Variants in UTRN observed in about 807,000 individuals in gnomAD.
UTRN encodes the protein utrophin.
Under a neutral mutation model 463.9 loss-of-function variants are expected in UTRN, and 283 were observed. The observed-to-expected ratio is 0.61, with a 90% confidence interval of 0.55 to 0.67. The LOEUF (loss-of-function observed/expected upper bound fraction) is 0.67, where lower values mean the gene tolerates loss of function less well. Among genes scored for constraint, UTRN ranks in the 30% least tolerant of loss-of-function variants. The pLI is 0.00. For missense variants in UTRN, 3,922 were observed against 4,084.3 expected, an observed-to-expected ratio of 0.96 and a Z score of 1.08; for synonymous variants, 1,442 against 1,431.5, an observed-to-expected ratio of 1.01 and a Z score of -0.17.
chr6:144,557,297 C>A lies in UTRN; in HGVS notation c.7275C>A (p.Ile2425=). 1 of 1,612,908 alleles carries A rather than the reference C, an allele frequency of 6.2e-7. No homozygotes were observed. Among genetic ancestry groups the A allele is most frequent in the South Asian group, 1.1e-5 (1 of 90,898 alleles). The change falls in exon 50 of 75, where the codon ATC becomes ATA. Residue 2425 remains isoleucine (I), a synonymous_variant. Transcript: ENST00000367545. The part of the protein sequence containing the change: ...ETTEYLKTSW[I]NLKQSIADRQ... ...CAGAGTACTTAAAAACATCATGGAT[C>A]AATCTCAAACAAAGGTAAGTCTAAG...
intron 52 of UTRN, among the ~76,000 whole-genome samples, chr6:144,699,599 T>A (rs1784381932): frequency 6.7e-6 from 1 of 149,020 alleles, no homozygotes; most frequent in South Asian, 2.1e-4. Context: ...TTTTCCTCTC[T>A]CTCTCTCCAT....
rs373437985 is a variant in UTRN, at chr6:144,501,726, A to T, written c.4764+2299A>T. On this transcript the variant is annotated intron_variant, in intron 34 of 74. Coordinates refer to ENST00000367545, the MANE Select transcript of UTRN (RefSeq NM_007124.3). ...GTGAATATATTAAACCATATCATAC[A>T]TTCATAATTATTTCCTGAGGATAAA... 1.5e-3 allele frequency among the ~76,000 whole-genome samples: 226 copies of T among 152,300 alleles called. 2 individuals are homozygous for T. The highest frequency in any genetic ancestry group is 5.1e-3 in the African/African-American group (214 of 41,580).
chr6:144,473,881 T>C, intron 24 of UTRN, 48 bp downstream of exon 24: 1 of 1,352,832 alleles, frequency 7.4e-7, no homozygotes, highest in Non-Finnish European at 1.0e-6. Flanking sequence ...CATTTTGTTC[T>C]TTTTCTATGT....
intron 23 of UTRN, among the ~76,000 whole-genome samples, chr6:144,471,058 GA>G (rs1158454981): frequency 1.8e-3 from 176 of 95,430 alleles, no homozygotes; most frequent in African/African-American, 2.9e-3. Context: ...GGGAGGGGGA[GA>G]GGGAGGGGGA....
chr6:144,477,912 C>T (rs868092254), intron 25 of UTRN, among the ~76,000 whole-genome samples: 7 of 119,404 alleles, frequency 5.9e-5, no homozygotes, highest in African/African-American at 6.7e-5. Flanking sequence ...TCTATCTATC[C>T]ATCCATCCAC....
chr6:144,498,795 C>T (rs748023250), intron 33 of UTRN, among the ~76,000 whole-genome samples: 29 of 151,990 alleles, frequency 1.9e-4, no homozygotes, highest in Admixed American at 7.2e-4. Flanking sequence ...GCTGGAACTA[C>T]GAGCACGCAC....
intron 64 of UTRN, among the ~76,000 whole-genome samples, chr6:144,800,694 A>G (rs141718283): frequency 5.9e-5 from 9 of 152,316 alleles, no homozygotes; most frequent in African/African-American, 1.7e-4. Flanking sequence ...GGCAGTTCCT[A>G]TCACAGAGTA....
intron 74 of UTRN, among the ~76,000 whole-genome samples, chr6:144,850,442 A>ATGT (rs1162123284): frequency 6.6e-6 from 1 of 152,014 alleles, no homozygotes; most frequent in East Asian, 1.9e-4. Flanking sequence ...AGAAGACCAA[A>ATGT]TGTTTGACCT....
chr6:144,840,742 G>C lies in UTRN; in HGVS notation c.10180G>C (p.Gly3394Arg), dbSNP rs749510694. 9 of 1,613,802 alleles carry C rather than the reference G, an allele frequency of 5.6e-6. No individual in the cohort carries two copies. In the South Asian group the frequency reaches 7.7e-5, roughly 14 times the overall value. The part of the protein sequence containing the change: ...ASGPQFHQAA[G>R]EDLLAPPHDT... ...GTTCTCTTTATTTGCTGTCACAGCG[G>C]GAGAGGACCTGCTGGCCCCACCGCA... is the stretch of plus-strand genomic sequence containing the variant. The change falls in exon 73 of 75, where the codon GGA (glycine) becomes CGA (arginine). Residue 3394 changes from glycine to arginine, a missense_variant and splice_region_variant. Transcript: ENST00000367545.
chr6:144,741,613 G>A (rs1181236574), intron 54 of UTRN, among the ~76,000 whole-genome samples: 1 of 152,044 alleles, frequency 6.6e-6, no homozygotes, highest in Non-Finnish European at 1.5e-5. Context: ...TGACCCATCT[G>A]TTGATGTCCA....
At position 144,438,749 on chromosome 6, in the gene UTRN, C is replaced by T; in HGVS notation, c.1246C>T (p.His416Tyr). Residue 416 changes from histidine to tyrosine, a missense_variant, in exon 12 of 75, where the codon CAC becomes TAC. This residue lies in a region of UTRN where 2,349 missense variants were observed against 2,303.8 expected (regional missense o/e 1.02). Coordinates refer to ENST00000367545, the MANE Select transcript of UTRN (RefSeq NM_007124.3). ...TGCTGTGTTCCCCACGGACAGGCTG[C>T]ACGATGTGCTGATGGAACTGCAGAA... ...VESMDRQSRL[H>Y]DVLMELQKKQ... The T allele has an allele frequency of 1.9e-6, 3 of 1,614,124 alleles. No individual in the cohort carries two copies. Among genetic ancestry groups the T allele is most frequent in the Non-Finnish European group, 2.5e-6 (3 of 1,180,020 alleles).
At chr6:144,470,759 C>G (rs962082116) in intron 23 of UTRN, among the ~76,000 whole-genome samples, 8 of 152,052 alleles carry the variant, frequency 5.3e-5, no homozygotes, top group Non-Finnish European at 1.2e-4. Context: ...GTGAGTGAGA[C>G]TCCGTCTGCA....
In UTRN at chr6:144,516,242, A is replaced by G; in HGVS notation, c.5258A>G (p.Gln1753Arg). 6.2e-7 allele frequency: 1 copy of G among 1,612,610 alleles called. No homozygotes were observed. The highest frequency in any genetic ancestry group is 1.7e-5 in the Admixed American group (1 of 59,666). ...HIKSAKLLIA[Q>R]EPLYQCLVTT... is the part of the protein sequence containing the mutation. ...TTCCTTCTACAGTTGCTAATTGCTC[A>G]GGAACCATTATACCAATGTTTGGTC... Residue 1753 changes from glutamine (Q) to arginine (R), a missense_variant, in exon 38 of 75, where the codon CAG (glutamine) becomes CGG (arginine). Coordinates refer to ENST00000367545, the MANE Select transcript of UTRN (RefSeq NM_007124.3).
intron 51 of UTRN, among the ~76,000 whole-genome samples, chr6:144,589,672 C>G (rs1274046568): frequency 6.6e-6 from 1 of 152,054 alleles, no homozygotes; most frequent in Non-Finnish European, 1.5e-5. Flanking sequence ...ATTTCCTTGT[C>G]TAAAGAAATT....
At chr6:144,304,777 T>C (rs1805562578) in intron 2 of UTRN, among the ~76,000 whole-genome samples, 1 of 152,186 alleles carries the variant, frequency 6.6e-6, no homozygotes. Context: ...AGCATAATGG[T>C]GAATCTTTGA....
intron 18 of UTRN, 131 bp from the exon 19 acceptor site, chr6:144,453,651 G>T: frequency 1.5e-6 from 1 of 659,670 alleles, no homozygotes; most frequent in Admixed American, 2.9e-5. Flanking sequence ...TAGTTGCTAT[G>T]ATTACGTTTG....
rs576339134 is a variant in UTRN at position 144,680,333 on chromosome 6, A to AT, written c.7652+1764dup. Reference sequence around the variant, plus strand: ...TTATTGCCTAAGCCTATCATGACACATTTTTTTTTAACCTGGAAAGAAAGA... The same window carrying AT: ...TTATTGCCTAAGCCTATCATGACACATTTTTTTTTTAACCTGGAAAGAAAGA... On this transcript the variant is annotated intron_variant, in intron 52 of 74. Transcript: ENST00000367545. 3.3e-3 allele frequency among the ~76,000 whole-genome samples: 493 copies of AT among 151,290 alleles called. 1 individual carries two copies. The highest frequency in any genetic ancestry group is 7.9e-3 in the African/African-American group (325 of 41,324).
chr6:144,553,717 C>A (rs1162167754), intron 48 of UTRN, among the ~76,000 whole-genome samples: 1 of 151,984 alleles, frequency 6.6e-6, no homozygotes, highest in Admixed American at 6.6e-5. Flanking sequence ...GAGTTCGAGA[C>A]CTGGCCAACA....
At chr6:144,330,696 C>T (rs980846434) in intron 2 of UTRN, 11 of 422,598 alleles carry the variant, frequency 2.6e-5, no homozygotes, top group South Asian at 1.0e-4. Flanking sequence ...GATTTTAAGG[C>T]GACAGGCTCC....
Sources: allele counts gnomAD v4.1 joint callset (sites outside exome capture counted in the v4.1 genomes callset), GRCh38; gene constraint gnomAD v4.1.1; regional missense constraint gnomAD v4.1.1; transcripts MANE v1.5; gene names NCBI Gene and HGNC (gene_info 2026-07-23, HGNC 2026-07-21).